CBLB: variants seen among roughly 807,000 people sequenced by gnomAD.
The protein encoded by CBLB is Cbl proto-oncogene B.
CBLB carries 31 observed loss-of-function variants against 104.9 expected under a neutral mutation model. That is an observed-to-expected ratio of 0.30 (90% CI 0.22 to 0.40). The LOEUF (loss-of-function observed/expected upper bound fraction) is 0.40. Among genes scored for constraint, CBLB ranks in the 10% least tolerant of loss-of-function variants. The pLI is 1.00. For synonymous variants in CBLB, 440 were observed against 422.6 expected, an observed-to-expected ratio of 1.04 and a Z score of -0.51; for missense variants, 1,062 against 1,214.6, an observed-to-expected ratio of 0.87 and a Z score of 1.87.
Position 105,751,520 on chromosome 3 carries a change from A to T in CBLB, c.665T>A (p.Leu222Ter), listed in dbSNP as rs1215422729. ...AACTGAAATGTAATCATTGCAAGTT[A>T]AATCAATTGTTGATTTTAGAGCCAT... ...EAMALKSTID[L>*]TCNDYISVFE... is the part of the protein sequence containing the mutation. Residue 222 changes from leucine (L) to a stop codon, truncating the protein, a stop_gained, in exon 5 of 19, where the codon TTA (leucine) becomes TAA (stop). Coordinates refer to ENST00000394030, the MANE Select transcript of CBLB (RefSeq NM_170662.5). LOFTEE classifies it high-confidence loss of function. 1 of 1,610,820 alleles carries T rather than the reference A, an allele frequency of 6.2e-7. No homozygotes were observed. Among genetic ancestry groups the T allele is most frequent in the Admixed American group, 1.7e-5 (1 of 59,930 alleles).
intron 18 of CBLB, among the ~76,000 whole-genome samples, chr3:105,669,049 C>T (rs2064779423): frequency 6.9e-6 from 1 of 144,522 alleles, no homozygotes. Context: ...CCTCCTTTTG[C>T]CTATTTGTCC....
At chr3:105,823,216 T>C (rs974604376) in intron 3 of CBLB, among the ~76,000 whole-genome samples, 3 of 152,198 alleles carry the variant, frequency 2.0e-5, no homozygotes, top group Admixed American at 1.3e-4. Flanking sequence ...TGAACTTCAC[T>C]GAAACAGCTG....
intron 12 of CBLB, among the ~76,000 whole-genome samples, chr3:105,695,261 T>G (rs536246521): frequency 1.3e-5 from 2 of 151,926 alleles, no homozygotes; most frequent in South Asian, 2.1e-4. Flanking sequence ...AAGACAGATA[T>G]GGGAATAATA....
chr3:105,802,443 C>T (rs2082994769), intron 3 of CBLB, among the ~76,000 whole-genome samples: 1 of 152,180 alleles, frequency 6.6e-6, no homozygotes, highest in Non-Finnish European at 1.5e-5. Flanking sequence ...CCAGTATTCT[C>T]CAGAGTTGCC....
At chr3:105,685,559 AT>A in intron 13 of CBLB, 93 bp from the exon 14 acceptor site, 2 of 972,952 alleles carry the variant, frequency 2.1e-6, no homozygotes, top group Non-Finnish European at 3.2e-6. Flanking sequence ...AAGCTACTTT[AT>A]CACTTATGTT....
chr3:105,767,077 T>C (rs1465853920), intron 4 of CBLB, among the ~76,000 whole-genome samples: 1 of 152,192 alleles, frequency 6.6e-6, no homozygotes. Flanking sequence ...GACATAAAGA[T>C]ACCTGAAATT....
chr3:105,750,015 C>T (rs904833448), intron 5 of CBLB, among the ~76,000 whole-genome samples: 1 of 145,310 alleles, frequency 6.9e-6, no homozygotes, highest in Non-Finnish European at 1.5e-5. Flanking sequence ...GAAATATATC[C>T]TATATGTATT....
At chr3:105,753,718 T>G (rs557802089) in intron 4 of CBLB, among the ~76,000 whole-genome samples, 41 of 152,324 alleles carry the variant, frequency 2.7e-4, no homozygotes, top group African/African-American at 9.6e-4. Context: ...CATATAAAGT[T>G]TTTTTAAAAA....
rs555949762 is a variant in CBLB, at chr3:105,742,192, G to A, written c.846-1561C>T. ...ATCAAAAACAAACCAACTTAAATCT[G>A]TTGGCTATATTTTAATATTCGAGCT... On this transcript the variant is annotated intron_variant, in intron 6 of 18. Transcript: ENST00000394030. Among the ~76,000 whole-genome samples, 12 of 152,234 alleles carry A rather than the reference G, an allele frequency of 7.9e-5. No individual in the cohort carries two copies. The South Asian group carries it at 2.5e-3, about 32-fold the overall frequency.
chr3:105,794,404 T>C (rs182215401), intron 3 of CBLB, among the ~76,000 whole-genome samples: 176 of 152,358 alleles, frequency 1.2e-3, no homozygotes, highest in African/African-American at 4.1e-3. Flanking sequence ...CGGAGCAGTT[T>C]GTTTCCCCAG....
chr3:105,814,552 T>C (rs2084752284), intron 3 of CBLB, among the ~76,000 whole-genome samples: 1 of 151,872 alleles, frequency 6.6e-6, no homozygotes, highest in African/African-American at 2.4e-5. Flanking sequence ...AAAGGATTCA[T>C]GGAAATATAA....
chr3:105,661,284 C>T (rs549955144), intron 18 of CBLB, among the ~76,000 whole-genome samples: 9 of 152,138 alleles, frequency 5.9e-5, no homozygotes, highest in Non-Finnish European at 1.0e-4. Context: ...AAACTATTAT[C>T]GTCTGATAAA....
chr3:105,867,309 C>G (rs2092480735), intron 2 of CBLB, 101 bp downstream of exon 2: 1 of 1,069,202 alleles, frequency 9.4e-7, no homozygotes. Context: ...AAGATTGTTG[C>G]CATAACAATG....
At chr3:105,753,822 G>C (rs1447499711) in intron 4 of CBLB, among the ~76,000 whole-genome samples, 7 of 152,102 alleles carry the variant, frequency 4.6e-5, no homozygotes, top group Admixed American at 3.9e-4. Context: ...TGAGCACTCA[G>C]TGATTTCCCA....
chr3:105,716,022 A>G (rs957285698), intron 10 of CBLB, among the ~76,000 whole-genome samples: 5 of 152,182 alleles, frequency 3.3e-5, no homozygotes, highest in African/African-American at 1.2e-4. Context: ...CTGGGCAACA[A>G]AGCGAGACTC....
At position 105,867,260 on chromosome 3, in the gene CBLB, A is replaced by G. The variant is rs1314891851; in HGVS notation, c.168+150T>C. Reference sequence around the variant, plus strand: ...AAAGTCTTTGAATCCAACTTTTCAAAAAACACAGAGTTGAAGAAAAATGAT... The same window carrying G: ...AAAGTCTTTGAATCCAACTTTTCAAGAAACACAGAGTTGAAGAAAAATGAT... On this transcript the variant is annotated intron_variant, in intron 2 of 18. Coordinates refer to ENST00000394030, the MANE Select transcript of CBLB (RefSeq NM_170662.5). 8.0e-6 allele frequency: 7 copies of G among 879,816 alleles called. No individual in the cohort carries two copies. The East Asian group carries it at 1.7e-4, about 21-fold the overall frequency. The allele number at this position is 879,816 out of a possible 1,614,324, so 54.5% of individuals were successfully genotyped here. A position where few individuals can be genotyped will look rare whatever the true frequency, so the allele number is the denominator to read the frequency against.
chr3:105,756,159 A>G (rs2077062588), intron 4 of CBLB, among the ~76,000 whole-genome samples: 1 of 152,220 alleles, frequency 6.6e-6, no homozygotes, highest in East Asian at 1.9e-4. Flanking sequence ...TTTTAAATGT[A>G]TATAATCGTA....
intron 3 of CBLB, among the ~76,000 whole-genome samples, chr3:105,815,374 T>C (rs1355006817): frequency 6.6e-6 from 1 of 152,196 alleles, no homozygotes; most frequent in African/African-American, 2.4e-5. Context: ...GAAGAAAGGC[T>C]GTTAATGGCT....
chr3:105,672,339 G>A lies in CBLB; in HGVS notation c.2570-1987C>T, dbSNP rs191598215. 465 of 180,008 alleles carry A rather than the reference G, an allele frequency of 2.6e-3. 12 individuals are homozygous for A. The highest frequency in any genetic ancestry group is 0.024 in the Admixed American group (388 of 15,870). The allele number at this position is 180,008 out of a possible 1,614,324, so 11.2% of individuals were successfully genotyped here. ...ATTATTATAAATAGCAAAAATACCT[G>A]CTTATGGTTCTGTTTTGAATCATTA... On this transcript the variant is annotated intron_variant, in intron 17 of 18. Coordinates refer to ENST00000394030, the MANE Select transcript of CBLB (RefSeq NM_170662.5).
Sources: gnomAD v4.1 joint callset for allele counts (sites outside exome capture counted in the v4.1 genomes callset) on GRCh38, gnomAD v4.1.1 for gene constraint, MANE v1.5 for transcripts, NCBI Gene and HGNC (gene_info 2026-07-23, HGNC 2026-07-21) for gene names.